Variants in DNAJC15 observed in about 807,000 individuals in gnomAD.
DNAJC15 encodes dnaJ homolog subfamily C member 15.
DNAJC15 carries 27 observed loss-of-function variants against 22.4 expected under a neutral mutation model. The observed-to-expected ratio is 1.20, with a 90% CI of 0.89 to 1.66. DNAJC15 has a LOEUF of 1.66. Among genes scored for constraint, DNAJC15 ranks in the 40% most tolerant of loss-of-function variants. DNAJC15 has a pLI of 0.00. For synonymous variants in DNAJC15, 79 were observed against 63.2 expected, an observed-to-expected ratio of 1.25 and a Z score of -1.19; for missense variants, 208 against 187.1, an observed-to-expected ratio of 1.11 and a Z score of -0.65.
intron 1 of DNAJC15, among the ~76,000 whole-genome samples, chr13:43,034,638 TATTA>T (rs2040421418): frequency 1.3e-5 from 2 of 152,288 alleles, no homozygotes; most frequent in African/African-American, 4.8e-5. Flanking sequence ...TACTCCCATT[TATTA>T]CTTATTTATA....
chr13:43,075,180 G>A (rs2040627755), intron 3 of DNAJC15, among the ~76,000 whole-genome samples: 1 of 152,168 alleles, frequency 6.6e-6, no homozygotes, highest in African/African-American at 2.4e-5. Flanking sequence ...TGGAAGGGTT[G>A]TGTTGATTAT....
chr13:43,024,692 T>A (rs2040371526), intron 1 of DNAJC15, among the ~76,000 whole-genome samples: 1 of 151,668 alleles, frequency 6.6e-6, no homozygotes, highest in Admixed American at 6.6e-5. Context: ...GAGAAACAGG[T>A]GGGTTTGATT....
intron 5 of DNAJC15, among the ~76,000 whole-genome samples, chr13:43,088,961 A>G (rs2040701886): frequency 6.6e-6 from 1 of 152,028 alleles, no homozygotes; most frequent in African/African-American, 2.4e-5. Context: ...TGGTAAAGAG[A>G]AAATTTTGTT....
At position 43,103,147 on chromosome 13, in the gene DNAJC15, G is replaced by A. The variant is rs188049703; in HGVS notation, c.383-4031G>A. Among the ~76,000 whole-genome samples the A allele has an allele frequency of 9.9e-5, 15 of 152,094 alleles. No homozygotes were observed. In the East Asian group the frequency reaches 2.5e-3, roughly 25 times the overall value. On this transcript the variant is annotated intron_variant, in intron 5 of 5. Coordinates refer to ENST00000379221, the MANE Select transcript of DNAJC15 (RefSeq NM_013238.3). ...TTTCTATTGTGATATCTTCCTTGAC[G>A]CATGAGTTATTTAGGAGTATATTGA...
intron 1 of DNAJC15, among the ~76,000 whole-genome samples, chr13:43,034,635 A>G (rs984793965): frequency 5.3e-5 from 8 of 151,962 alleles, no homozygotes; most frequent in African/African-American, 1.9e-4. Context: ...TTTTACTCCC[A>G]TTTATTACTT....
chr13:43,066,716 G>T (rs1317895324), intron 2 of DNAJC15, among the ~76,000 whole-genome samples: 1 of 152,078 alleles, frequency 6.6e-6, no homozygotes, highest in African/African-American at 2.4e-5. Flanking sequence ...TCCGCCTCCC[G>T]GGTTCATGCC....
chr13:43,043,427 A>T (rs962141203), intron 1 of DNAJC15, among the ~76,000 whole-genome samples: 2 of 152,188 alleles, frequency 1.3e-5, no homozygotes, highest in African/African-American at 4.8e-5. Context: ...TTCTTATATT[A>T]TGAGAAAGTA....
intron 1 of DNAJC15, among the ~76,000 whole-genome samples, chr13:43,055,934 G>T (rs1262905937): frequency 1.3e-5 from 2 of 152,080 alleles, no homozygotes; most frequent in East Asian, 3.8e-4. Flanking sequence ...TTGGTAGGTT[G>T]TGTCACTAAT....
chr13:43,029,723 C>G (rs1432789476), intron 1 of DNAJC15, among the ~76,000 whole-genome samples: 1 of 151,682 alleles, frequency 6.6e-6, no homozygotes, highest in East Asian at 1.9e-4. Context: ...CTGACATGGC[C>G]CATTTGTTGA....
At position 43,110,639 on chromosome 13, in the gene DNAJC15, A is replaced by T. The variant is rs1252070193; in HGVS notation, c.*3391A>T. ...TCCTAATCCCCAGATCTCCACAACT[A>T]TACCTACATAGTAGAAGGTTAAAAT... On this transcript the variant is annotated 3_prime_UTR_variant, in exon 6 of 6. Coordinates refer to ENST00000379221, the MANE Select transcript of DNAJC15 (RefSeq NM_013238.3). The T allele has an allele frequency of 6.6e-6, 1 of 152,192 alleles. No homozygotes were observed. The highest frequency in any genetic ancestry group is 6.5e-5 in the Admixed American group (1 of 15,270). 9.4% of individuals were successfully genotyped at this position (152,192 alleles called of 1,614,324 possible).
At chr13:43,099,778 T>C (rs1289610554) in intron 5 of DNAJC15, among the ~76,000 whole-genome samples, 1 of 152,064 alleles carries the variant, frequency 6.6e-6, no homozygotes, top group Non-Finnish European at 1.5e-5. Flanking sequence ...TGGTTGTGGT[T>C]TATAATTCTT....
At chr13:43,042,165 G>A (rs2040457241) in intron 1 of DNAJC15, among the ~76,000 whole-genome samples, 1 of 152,070 alleles carries the variant, frequency 6.6e-6, no homozygotes, top group Non-Finnish European at 1.5e-5. Context: ...TATAGTACTG[G>A]TCCCTTCATA....
intron 1 of DNAJC15, among the ~76,000 whole-genome samples, chr13:43,026,063 T>G (rs2040379456): frequency 6.6e-6 from 1 of 152,214 alleles, no homozygotes; most frequent in Admixed American, 6.5e-5. Context: ...TGCAAATTGT[T>G]TATCAAATGT....
intron 1 of DNAJC15, among the ~76,000 whole-genome samples, chr13:43,042,837 T>A (rs74399583): frequency 0.18 from 27,220 of 152,176 alleles, 2,854 homozygotes; most frequent in Non-Finnish European, 0.24. Flanking sequence ...GTTAGCCACA[T>A]CTCCAAAATA....
intron 1 of DNAJC15, among the ~76,000 whole-genome samples, chr13:43,034,091 A>T (rs1049265748): frequency 1.3e-5 from 2 of 151,590 alleles, no homozygotes; most frequent in Non-Finnish European, 2.9e-5. Context: ...TGTACATACT[A>T]TAAACATGTT....
At chr13:43,101,797 A>AT (rs1434279491) in intron 5 of DNAJC15, among the ~76,000 whole-genome samples, 1 of 152,182 alleles carries the variant, frequency 6.6e-6, no homozygotes, top group Non-Finnish European at 1.5e-5. Flanking sequence ...GTATTCCATT[A>AT]TAGATATGTA....
At chr13:43,066,437 T>A (rs115506740) in intron 2 of DNAJC15, among the ~76,000 whole-genome samples, 2,038 of 152,092 alleles carry the variant, frequency 0.013, 42 homozygotes, top group African/African-American at 0.044. Flanking sequence ...CTCTCCTCCT[T>A]CTCTCTTAAA....
intron 1 of DNAJC15, among the ~76,000 whole-genome samples, chr13:43,036,166 CTTT>C (rs1181907862): frequency 5.6e-5 from 7 of 125,878 alleles, no homozygotes; most frequent in Admixed American, 8.0e-5. Context: ...CAGTTTCTGT[CTTT>C]TTTTTTTTTT....
At chr13:43,050,255 T>C (rs1248935808) in intron 1 of DNAJC15, among the ~76,000 whole-genome samples, 1 of 152,188 alleles carries the variant, frequency 6.6e-6, no homozygotes, top group East Asian at 1.9e-4. Context: ...AGCCTTACTA[T>C]TTCCACAGGA....
Sources: gnomAD v4.1 joint callset for allele counts (sites outside exome capture counted in the v4.1 genomes callset) on GRCh38, gnomAD v4.1.1 for gene constraint, MANE v1.5 for transcripts, NCBI Gene and HGNC (gene_info 2026-07-23, HGNC 2026-07-21) for gene names.